The following MECOM variants were observed in gnomAD, a reference collection of about 807,000 sequenced individuals.
The protein encoded by MECOM is MDS1 and EVI1 complex locus.
MECOM carries 13 observed loss-of-function variants against 116.3 expected under a neutral mutation model. The ratio of observed to expected loss-of-function variants is 0.11; its 90% CI spans 0.07 to 0.18. The LOEUF is 0.18. Among genes scored for constraint, MECOM ranks in the 10% least tolerant of loss-of-function variants. The pLI, the probability that MECOM is intolerant of heterozygous loss-of-function variation, is 1.00. For missense variants in MECOM, 1,299 were observed against 1,509.0 expected, an observed-to-expected ratio of 0.86 and a Z score of 2.31; for synonymous variants, 528 against 535.2, an observed-to-expected ratio of 0.99 and a Z score of 0.19.
intron 2 of MECOM, among the ~76,000 whole-genome samples, chr3:169,198,575 T>A (rs1333838294): frequency 6.6e-6 from 1 of 152,064 alleles, no homozygotes; most frequent in Non-Finnish European, 1.5e-5. Flanking sequence ...GCATCTCTTC[T>A]TTTATTTAAT....
chr3:169,473,415 A>G (rs143990752), intron 1 of MECOM, among the ~76,000 whole-genome samples: 17 of 152,324 alleles, frequency 1.1e-4, no homozygotes, highest in Non-Finnish European at 2.2e-4. Flanking sequence ...GATTTTGAGA[A>G]CATTAAGAAG....
intron 1 of MECOM, among the ~76,000 whole-genome samples, chr3:169,570,149 G>A (rs557879310): frequency 6.6e-6 from 1 of 152,026 alleles, no homozygotes; most frequent in South Asian, 2.1e-4. Flanking sequence ...AATTATAAAG[G>A]GGATATTATC....
At chr3:169,615,275 T>G (rs1311582624) in intron 1 of MECOM, among the ~76,000 whole-genome samples, 1 of 152,222 alleles carries the variant, frequency 6.6e-6, no homozygotes, top group Non-Finnish European at 1.5e-5. Flanking sequence ...GAACCCTGTC[T>G]TATTCATCAC....
intron 2 of MECOM, among the ~76,000 whole-genome samples, chr3:169,261,601 TGAA>T (rs1282574232): frequency 1.3e-5 from 2 of 152,058 alleles, no homozygotes; most frequent in Non-Finnish European, 2.9e-5. Flanking sequence ...CTCGGGAGGC[TGAA>T]GAAGGAGAAT....
At chr3:169,426,406 T>G (rs1439399362) in intron 1 of MECOM, among the ~76,000 whole-genome samples, 1 of 152,126 alleles carries the variant, frequency 6.6e-6, no homozygotes, top group East Asian at 1.9e-4. Context: ...TTCAAGACGG[T>G]GGACACTCAG....
intron 2 of MECOM, among the ~76,000 whole-genome samples, chr3:169,341,671 C>T (rs536230009): frequency 1.5e-4 from 22 of 144,480 alleles, no homozygotes; most frequent in Admixed American, 5.1e-4. Flanking sequence ...ACCTGGGAGG[C>T]GGAGGTTGCA....
chr3:169,413,600 C>T (rs1737985841), intron 1 of MECOM, among the ~76,000 whole-genome samples: 1 of 151,772 alleles, frequency 6.6e-6, no homozygotes, highest in Admixed American at 6.6e-5. Context: ...CTCAGTGGAT[C>T]CCAACTCCAT....
chr3:169,402,946 G>A (rs1168454886), intron 1 of MECOM, among the ~76,000 whole-genome samples: 1 of 152,102 alleles, frequency 6.6e-6, no homozygotes, highest in African/African-American at 2.4e-5. Flanking sequence ...GACCTCAGCA[G>A]TTTTGATAGG....
intron 1 of MECOM, among the ~76,000 whole-genome samples, chr3:169,659,842 G>A (rs1017231421): frequency 6.6e-6 from 1 of 152,076 alleles, no homozygotes; most frequent in East Asian, 1.9e-4. Flanking sequence ...ACGGGAGAAA[G>A]GGTCGGCATC....
chr3:169,633,825 G>T (rs1275916289), intron 1 of MECOM, among the ~76,000 whole-genome samples: 2 of 151,438 alleles, frequency 1.3e-5, no homozygotes, highest in East Asian at 3.9e-4. Context: ...ACAAGCAAAG[G>T]GTGAAGTGTC....
intron 1 of MECOM, among the ~76,000 whole-genome samples, chr3:169,391,452 A>G (rs899025554): frequency 6.6e-6 from 1 of 152,124 alleles, no homozygotes; most frequent in African/African-American, 2.4e-5. Flanking sequence ...TTCTGCCCCC[A>G]TTCTAAGCTC....
intron 16 of MECOM, among the ~76,000 whole-genome samples, chr3:169,087,977 T>C (rs1430980920): frequency 1.3e-5 from 2 of 152,198 alleles, no homozygotes; most frequent in African/African-American, 4.8e-5. Flanking sequence ...CTCAGAACTT[T>C]TTACTAAATT....
intron 2 of MECOM, among the ~76,000 whole-genome samples, chr3:169,352,539 G>A (rs894589762): frequency 5.9e-5 from 9 of 151,756 alleles, no homozygotes; most frequent in Non-Finnish European, 1.3e-4. Context: ...TTGTTGGGGG[G>A]AAAAGTATGG....
chr3:169,551,032 C>T (rs1761341369), intron 1 of MECOM, among the ~76,000 whole-genome samples: 1 of 95,070 alleles, frequency 1.1e-5, no homozygotes. Context: ...ACCGTTTTAG[C>T]CGGGATGGTC....
Position 169,561,345 on chromosome 3 carries a change from A to G in MECOM, c.37+101991T>C, listed in dbSNP as rs774264976. ...TTTAAAATGACATGCATTTCTAGCA[A>G]TAGGGAAATAGATAAATAAATCATG... On this transcript the variant is annotated intron_variant, in intron 1 of 16. Coordinates refer to ENST00000651503, the MANE Select transcript of MECOM (RefSeq NM_004991.4). Among the ~76,000 whole-genome samples the G allele has an allele frequency of 1.4e-4, 21 of 152,104 alleles. No homozygotes were observed. In the Middle Eastern group the frequency reaches 9.6e-3, roughly 69 times the overall value.
intron 1 of MECOM, among the ~76,000 whole-genome samples, chr3:169,645,741 A>T (rs1236844617): frequency 1.3e-5 from 2 of 152,246 alleles, no homozygotes; most frequent in Non-Finnish European, 2.9e-5. Context: ...AGGAAGCCCT[A>T]TATGAAAATA....
chr3:169,370,980 A>G (rs932853934), intron 2 of MECOM, among the ~76,000 whole-genome samples: 2 of 151,882 alleles, frequency 1.3e-5, no homozygotes, highest in African/African-American at 4.8e-5. Context: ...TGAAAATACA[A>G]CTCCTTTATG....
chr3:169,445,040 G>A (rs904298385), intron 1 of MECOM, among the ~76,000 whole-genome samples: 1 of 152,156 alleles, frequency 6.6e-6, no homozygotes, highest in Admixed American at 6.5e-5. Flanking sequence ...GGTGACTTGG[G>A]TACTGTTAAA....
At chr3:169,232,075 T>C (rs73172031) in intron 2 of MECOM, among the ~76,000 whole-genome samples, 6,394 of 152,250 alleles carry the variant, frequency 0.042, 200 homozygotes, top group Middle Eastern at 0.088. Flanking sequence ...TAGGCCAGAA[T>C]AACTGGCCAG....
Sources: gnomAD v4.1 joint callset for allele counts (sites outside exome capture counted in the v4.1 genomes callset) on GRCh38, gnomAD v4.1.1 for gene constraint, MANE v1.5 for transcripts, NCBI Gene and HGNC (gene_info 2026-07-23, HGNC 2026-07-21) for gene names.